HERC2: variants seen among roughly 807,000 people sequenced by gnomAD.
HERC2 encodes the protein E3 ubiquitin-protein ligase HERC2.
HERC2 carries 102 observed loss-of-function variants against 537.7 expected under a neutral mutation model. The observed-to-expected ratio is 0.19, with a 90% CI of 0.16 to 0.22. The LOEUF (loss-of-function observed/expected upper bound fraction) is 0.22. Among genes scored for constraint, HERC2 ranks in the 10% least tolerant of loss-of-function variants. The probability of loss-of-function intolerance (pLI) is 1.00; values close to 1 mark genes in which losing one functional copy is unlikely to be tolerated. For missense variants in HERC2, 4,236 were observed against 6,198.2 expected, an observed-to-expected ratio of 0.68 and a Z score of 10.63; for synonymous variants, 2,224 against 2,466.2, an observed-to-expected ratio of 0.90 and a Z score of 2.91.
chr15:28,225,696 C>CAAAAAAAAAAAAAAAAAA (rs35629645), intron 35 of HERC2, among the ~76,000 whole-genome samples: 4 of 58,798 alleles, frequency 6.8e-5, no homozygotes, highest in African/African-American at 1.7e-4. Context: ...GACTCCGTCT[C>CAAAAAAAAAAAAAAAAAA]AAAAAAAAAA....
At chr15:28,225,513 C>T (rs113833510) in intron 35 of HERC2, among the ~76,000 whole-genome samples, 17 of 151,774 alleles carry the variant, frequency 1.1e-4, no homozygotes, top group Non-Finnish European at 1.6e-4. Context: ...CTGGTCAACA[C>T]GGTGAAACCC....
At chr15:28,279,245 C>T (rs1421811568) in intron 5 of HERC2, among the ~76,000 whole-genome samples, 1 of 152,094 alleles carries the variant, frequency 6.6e-6, no homozygotes, top group East Asian at 1.9e-4. Flanking sequence ...CACCTCAGGC[C>T]TCCCAAAGTG....
At chr15:28,158,261 G>A (rs1893217871) in intron 69 of HERC2, among the ~76,000 whole-genome samples, 1 of 152,170 alleles carries the variant, frequency 6.6e-6, no homozygotes, top group Non-Finnish European at 1.5e-5. Flanking sequence ...TTGGCTTGAT[G>A]CAGAGCTGAG....
intron 79 of HERC2, 52 bp from the exon 80 acceptor site, chr15:28,132,882 T>C: frequency 7.1e-7 from 1 of 1,405,766 alleles, no homozygotes; most frequent in Non-Finnish European, 9.5e-7. Context: ...TCTTAAACAT[T>C]TTTCAGTGTA....
Position 28,202,186 on chromosome 15 carries a change from T to C in HERC2, c.7544A>G (p.Asp2515Gly). The C allele has an allele frequency of 6.3e-7, 1 of 1,594,630 alleles. No individual in the cohort carries two copies. Among genetic ancestry groups the C allele is most frequent in the South Asian group, 1.1e-5 (1 of 90,612 alleles). ...HSDIQVTELSDADTVSDEYSD... is the reference protein window; with the variant it reads ...HSDIQVTELSGADTVSDEYSD... ...ATACTCGTCGGACACCGTGTCTGCA[T>C]CTGAGAGCTCCGTGACCTGTATGTC... The change falls in exon 47 of 93, where the codon GAT becomes GGT. Residue 2515 changes from aspartate to glycine, a missense_variant. This residue lies in a region of HERC2 where 606 missense variants were observed against 884.5 expected (regional missense o/e 0.69). Transcript: ENST00000261609.
chr15:28,199,512 A>T (rs1897689699), intron 48 of HERC2, among the ~76,000 whole-genome samples: 1 of 152,238 alleles, frequency 6.6e-6, no homozygotes, highest in African/African-American at 2.4e-5. Context: ...AGCAACCAAG[A>T]TTAATAACAA....
At chr15:28,179,927 A>T (rs960125862) in intron 57 of HERC2, among the ~76,000 whole-genome samples, 5 of 152,270 alleles carry the variant, frequency 3.3e-5, no homozygotes, top group African/African-American at 1.2e-4. Context: ...GTTTTTTAAA[A>T]AGTGAAAAGT....
chr15:28,139,388 C>T (rs150287021), intron 78 of HERC2, among the ~76,000 whole-genome samples: 1,889 of 152,270 alleles, frequency 0.012, 12 homozygotes, highest in Middle Eastern at 0.061. Context: ...TCTATGGACA[C>T]GTGGCAAAGG....
Position 28,146,316 on chromosome 15 carries a change from G to A in HERC2, c.10929C>T (p.Asp3643=), listed in dbSNP as rs779822912. The part of the protein sequence containing the change: ...PGAEGLRVEF[D]RQCSTERRHD... ...GGCGCCTCTCTGTGGAGCACTGCCG[G>A]TCAAATTCTACCCTGAGTCCTTCTG... The change falls in exon 71 of 93, where the codon GAC becomes GAT. Residue 3643 remains aspartate (D), a synonymous_variant. Transcript: ENST00000261609. 1.2e-6 allele frequency: 2 copies of A among 1,614,048 alleles called. No individual in the cohort carries two copies. The highest frequency in any genetic ancestry group is 2.2e-5 in the East Asian group (1 of 44,876).
At chr15:28,215,197 A>T (rs1024736661) in intron 39 of HERC2, among the ~76,000 whole-genome samples, 3 of 152,172 alleles carry the variant, frequency 2.0e-5, no homozygotes, top group Admixed American at 6.5e-5. Context: ...TTCTGTTCTC[A>T]TAACGCAAGT....
chr15:28,218,575 T>C lies in HERC2; in HGVS notation c.5942A>G (p.His1981Arg), dbSNP rs1202743310. ...GGCTTCGCTCTGCATGATCTCAGCA[T>C]GAACTCCAGCAGACAGACAAAGAGT... ...LQTLCLSAGV[H>R]AEIMQSEATK... Residue 1981 changes from histidine to arginine, a missense_variant, in exon 38 of 93, where the codon CAT becomes CGT. Around this residue, in one of 27 missense-constraint regions of HERC2, gnomAD observed 365 missense variants for 468.8 expected, o/e 0.78. Transcript: ENST00000261609. The C allele has an allele frequency of 2.5e-6, 4 of 1,598,102 alleles. No homozygotes were observed. The South Asian group carries it at 3.3e-5, about 13-fold the overall frequency.
intron 84 of HERC2, 88 bp downstream of exon 84, chr15:28,124,918 G>T: frequency 1.6e-6 from 2 of 1,262,120 alleles, no homozygotes; most frequent in Non-Finnish European, 2.2e-6. Context: ...TCACCAAGAA[G>T]CCTCTGTAAA....
At chr15:28,218,342 T>G in intron 38 of HERC2, 147 bp downstream of exon 38, 1 of 703,818 alleles carries the variant, frequency 1.4e-6, no homozygotes, top group Non-Finnish European at 2.4e-6. Context: ...GAATTTCTAC[T>G]GTGTAAGCCC....
At chr15:28,260,123 A>G (rs1460093845) in intron 16 of HERC2, among the ~76,000 whole-genome samples, 2 of 151,672 alleles carry the variant, frequency 1.3e-5, no homozygotes, top group Non-Finnish European at 2.9e-5. Flanking sequence ...GCAGATCGCT[A>G]GAGCTCAGGA....
chr15:28,233,931 G>T (rs1902151642), intron 27 of HERC2, 135 bp from the exon 28 acceptor site: 2 of 718,772 alleles, frequency 2.8e-6, no homozygotes, highest in Non-Finnish European at 4.9e-6. Flanking sequence ...ACACAATCAG[G>T]TTCTCACCTC....
At chr15:28,167,161 T>C (rs1292612709) in intron 68 of HERC2, among the ~76,000 whole-genome samples, 2 of 152,208 alleles carry the variant, frequency 1.3e-5, no homozygotes, top group African/African-American at 2.4e-5. Flanking sequence ...TATCTCCCCA[T>C]GAGTACTTAA....
intron 65 of HERC2, 26 bp downstream of exon 65, chr15:28,174,369 T>C (rs560840236): frequency 4.5e-5 from 69 of 1,547,932 alleles, no homozygotes; most frequent in Non-Finnish European, 5.6e-5. Flanking sequence ...CAGAAAAATC[T>C]CAGAGAAGAT....
chr15:28,141,306 C>T (rs1891202819), intron 78 of HERC2, 126 bp downstream of exon 78: 2 of 699,994 alleles, frequency 2.9e-6, no homozygotes, highest in Admixed American at 2.5e-5. Context: ...TCCTGCATAC[C>T]ACAGTATCAT....
chr15:28,175,195 A>G (rs997968152), intron 64 of HERC2, among the ~76,000 whole-genome samples: 7 of 151,164 alleles, frequency 4.6e-5, no homozygotes, highest in African/African-American at 1.5e-4. Context: ...CCAGTTACCA[A>G]TTCTCTAAAG....
Sources: gnomAD v4.1 joint callset for allele counts (sites outside exome capture counted in the v4.1 genomes callset) on GRCh38, gnomAD v4.1.1 for gene constraint, gnomAD v4.1.1 regional missense constraint, MANE v1.5 for transcripts, NCBI Gene and HGNC (gene_info 2026-07-23, HGNC 2026-07-21) for gene names.